The following ZNF609 variants were observed in gnomAD, a reference collection of about 807,000 sequenced individuals.
ZNF609 encodes zinc finger protein 609.
In ZNF609, 11 loss-of-function variants were observed where a neutral mutation model predicts 109.5. The observed-to-expected ratio is 0.10, with a 90% confidence interval of 0.06 to 0.17. ZNF609 has a LOEUF of 0.17. Ranked by LOEUF, ZNF609 falls within the 10% of genes least tolerant of loss-of-function variation. The pLI is 1.00. For missense variants in ZNF609, 1,559 were observed against 1,772.4 expected (o/e 0.88, Z 2.16); for synonymous variants, 646 against 662.0 (o/e 0.98, Z 0.37).
At chr15:64,585,567 C>G (rs1475941055) in intron 2 of ZNF609, among the ~76,000 whole-genome samples, 1 of 152,076 alleles carries the variant, frequency 6.6e-6, no homozygotes, top group Non-Finnish European at 1.5e-5. Context: ...TGGAAAAGGT[C>G]CCTATGTATT....
chr15:64,563,405 C>T (rs920650868), intron 2 of ZNF609, among the ~76,000 whole-genome samples: 1 of 150,994 alleles, frequency 6.6e-6, no homozygotes, highest in Non-Finnish European at 1.5e-5. Context: ...GAGCCATGAT[C>T]GCATCACTGC....
chr15:64,673,796 C>A, intron 4 of ZNF609, 120 bp from the exon 5 acceptor site: 4 of 1,171,668 alleles, frequency 3.4e-6, no homozygotes, highest in East Asian at 2.5e-5. Context: ...TTTCTTTTAA[C>A]AAATCATATT....
At chr15:64,577,161 TAC>T (rs1241934077) in intron 2 of ZNF609, among the ~76,000 whole-genome samples, 10 of 132,048 alleles carry the variant, frequency 7.6e-5, no homozygotes, top group South Asian at 2.3e-4. Context: ...TGTGTATATA[TAC>T]ACACAATATA....
chr15:64,651,073 T>G (rs553190979), intron 3 of ZNF609, among the ~76,000 whole-genome samples: 2 of 152,260 alleles, frequency 1.3e-5, no homozygotes, highest in African/African-American at 4.8e-5. Context: ...GGGAATAAGT[T>G]GATTTACAGA....
intron 3 of ZNF609, among the ~76,000 whole-genome samples, chr15:64,659,835 CTTTTTTTTTTT>C (rs755818323): frequency 1.5e-5 from 2 of 137,234 alleles, no homozygotes; most frequent in Non-Finnish European, 3.2e-5. Flanking sequence ...TTCTTTCTTT[CTTTTTTTTTTT>C]TTTTTTGATA....
intron 3 of ZNF609, among the ~76,000 whole-genome samples, chr15:64,642,906 G>A (rs1228677339): frequency 7.9e-5 from 12 of 152,130 alleles, no homozygotes; most frequent in African/African-American, 2.7e-4. Context: ...TAGCTAGTAC[G>A]TAACCACACA....
intron 2 of ZNF609, among the ~76,000 whole-genome samples, chr15:64,573,745 T>G (rs917093990): frequency 4.6e-5 from 7 of 152,172 alleles, no homozygotes; most frequent in Admixed American, 4.6e-4. Flanking sequence ...CATTTTACTT[T>G]GCCTGCATAT....
chr15:64,628,085 C>T (rs1412437604), intron 3 of ZNF609, among the ~76,000 whole-genome samples: 1 of 151,190 alleles, frequency 6.6e-6, no homozygotes, highest in African/African-American at 2.4e-5. Context: ...CTAGCCTGGG[C>T]AACATAGCAA....
At chr15:64,609,064 T>TTTTCTTTCTTTCTTTCTTTCTTTC (rs3057833) in intron 2 of ZNF609, among the ~76,000 whole-genome samples, 13 of 119,128 alleles carry the variant, frequency 1.1e-4, no homozygotes, top group South Asian at 7.0e-4. Flanking sequence ...TAGTTTTAAT[T>TTTTCTTTCTTTCTTTCTTTCTTTC]TTTCTTTCTT....
At chr15:64,526,699 A>G (rs1413279144) in intron 2 of ZNF609, among the ~76,000 whole-genome samples, 2 of 152,034 alleles carry the variant, frequency 1.3e-5, no homozygotes, top group African/African-American at 4.8e-5. Flanking sequence ...CTGCAATGGC[A>G]TAATCACAGC....
chr15:64,484,667 C>G (rs1260844945), intron 1 of ZNF609, among the ~76,000 whole-genome samples: 32 of 97,852 alleles, frequency 3.3e-4, no homozygotes, highest in Non-Finnish European at 6.0e-4. Context: ...CAGGGTGAGA[C>G]TCTGTCTCAA....
intron 3 of ZNF609, among the ~76,000 whole-genome samples, chr15:64,662,475 GC>G (rs1324404817): frequency 6.6e-6 from 1 of 152,044 alleles, no homozygotes; most frequent in East Asian, 1.9e-4. Context: ...ACAGGCACAT[GC>G]CAACAAGCCC....
rs539973888 is a variant in ZNF609, at chr15:64,551,791, G to A, written c.747+51625G>A. On this transcript the variant is annotated intron_variant, in intron 2 of 9. Transcript: ENST00000326648. ...TTGATTAAGCTTACCTTCTTATATC[G>A]CACGTTTTGTGGCAACTACCAAACG... Among the ~76,000 whole-genome samples the A allele has an allele frequency of 9.4e-5, 14 of 149,514 alleles. No individual in the cohort carries two copies. The South Asian group carries it at 2.6e-3, about 28-fold the overall frequency.
intron 2 of ZNF609, among the ~76,000 whole-genome samples, chr15:64,599,627 C>A (rs1414740666): frequency 6.6e-6 from 1 of 152,122 alleles, no homozygotes; most frequent in Non-Finnish European, 1.5e-5. Flanking sequence ...TAGGAGCCCT[C>A]CTTTTCAATC....
intron 2 of ZNF609, among the ~76,000 whole-genome samples, chr15:64,571,908 G>A (rs1894864805): frequency 6.6e-6 from 1 of 152,160 alleles, no homozygotes; most frequent in African/African-American, 2.4e-5. Context: ...CTGACCTCAA[G>A]TGATCTCACA....
At chr15:64,576,070 C>A (rs1894947407) in intron 2 of ZNF609, among the ~76,000 whole-genome samples, 2 of 152,146 alleles carry the variant, frequency 1.3e-5, no homozygotes, top group Non-Finnish European at 1.5e-5. Context: ...CCGCTGCACT[C>A]CAGCCTGGGC....
intron 3 of ZNF609, among the ~76,000 whole-genome samples, chr15:64,634,229 G>A (rs991638765): frequency 2.0e-5 from 3 of 152,140 alleles, no homozygotes; most frequent in South Asian, 2.1e-4. Flanking sequence ...GAGAACATTC[G>A]GCCCTACTTC....
At chr15:64,576,037 G>T (rs1023614964) in intron 2 of ZNF609, among the ~76,000 whole-genome samples, 3 of 152,184 alleles carry the variant, frequency 2.0e-5, no homozygotes, top group Non-Finnish European at 4.4e-5. Flanking sequence ...GGGAGGCGGA[G>T]CTTGCAGTGA....
intron 2 of ZNF609, among the ~76,000 whole-genome samples, chr15:64,512,725 T>A (rs540945619): frequency 2.0e-5 from 3 of 152,270 alleles, no homozygotes; most frequent in Admixed American, 1.3e-4. Flanking sequence ...ATAAAGTATT[T>A]CCTTGCTGAG....
Sources: gnomAD v4.1 joint callset for allele counts (sites outside exome capture counted in the v4.1 genomes callset) on GRCh38, gnomAD v4.1.1 for gene constraint, MANE v1.5 for transcripts, NCBI Gene and HGNC (gene_info 2026-07-23, HGNC 2026-07-21) for gene names.